Variants in CNTN4 observed in about 807,000 individuals in gnomAD.
CNTN4 encodes contactin 4, also known as contactin-4.
Under a neutral mutation model 122.5 loss-of-function variants are expected in CNTN4, and 77 were observed. That is an observed-to-expected ratio of 0.63 (90% CI 0.52 to 0.76). CNTN4 has a LOEUF of 0.76. Ranked by LOEUF, CNTN4 falls within the 30% of genes least tolerant of loss-of-function variation. CNTN4 has a pLI of 0.00. For synonymous variants in CNTN4, 512 were observed against 447.0 expected (o/e 1.15, Z -1.83); for missense variants, 1,256 against 1,259.1 (o/e 1.00, Z 0.04).
chr3:2,461,550 A>G (rs1485650174), intron 3 of CNTN4, among the ~76,000 whole-genome samples: 1 of 152,178 alleles, frequency 6.6e-6, no homozygotes, highest in Non-Finnish European at 1.5e-5. Context: ...CTAGAACCTG[A>G]GCTCTTAACC....
intron 3 of CNTN4, among the ~76,000 whole-genome samples, chr3:2,547,422 T>C (rs2078294874): frequency 1.3e-5 from 2 of 152,012 alleles, no homozygotes; most frequent in South Asian, 2.1e-4. Flanking sequence ...CTCACCACCA[T>C]GCCCAGCTAA....
At chr3:2,752,553 C>T (rs892277375) in intron 6 of CNTN4, among the ~76,000 whole-genome samples, 2 of 152,022 alleles carry the variant, frequency 1.3e-5, no homozygotes, top group Non-Finnish European at 2.9e-5. Context: ...TTTATAGAGA[C>T]AGGGTTTCAC....
At chr3:2,781,716 ATTTTTTTT>A (rs59896254) in intron 6 of CNTN4, among the ~76,000 whole-genome samples, 5 of 85,954 alleles carry the variant, frequency 5.8e-5, no homozygotes, top group South Asian at 4.8e-4. Context: ...CTTTGGGTAA[ATTTTTTTT>A]TTTTTTTTTT....
chr3:2,204,299 TACC>T (rs1379020092), intron 2 of CNTN4, among the ~76,000 whole-genome samples: 1 of 152,194 alleles, frequency 6.6e-6, no homozygotes, highest in African/African-American at 2.4e-5. Context: ...AAACATTCAA[TACC>T]TTCAACTCTT....
At position 2,825,058 on chromosome 3, in the gene CNTN4, G is replaced by A. The variant is rs146607767; in HGVS notation, c.454+5477G>A. ...AAAGGAAATGAAAAACTAAGAAAAG[G>A]GTGGCTTTTCCTAGGTACTCATACT... On this transcript the variant is annotated intron_variant, in intron 7 of 24. Transcript: ENST00000418658. 4.0e-3 allele frequency among the ~76,000 whole-genome samples: 614 copies of A among 152,104 alleles called. 8 individuals carry two copies. The highest frequency in any genetic ancestry group is 0.014 in the African/African-American group (580 of 41,486).
At position 2,571,494 on chromosome 3, in the gene CNTN4, G is replaced by A. The variant is rs780118857; in HGVS notation, c.-10G>A. Reference sequence around the variant, plus strand: ...GGACTTGAAACTCCCTTTGACCTCGGAAACTGAAGATGAGGTTGCCATGGG... The same window carrying A: ...GGACTTGAAACTCCCTTTGACCTCGAAAACTGAAGATGAGGTTGCCATGGG... On this transcript the variant is annotated 5_prime_UTR_variant, in exon 4 of 25. Coordinates refer to ENST00000418658, the MANE Select transcript of CNTN4 (RefSeq NM_175607.3). 6.2e-7 allele frequency: 1 copy of A among 1,611,346 alleles called. No individual in the cohort carries two copies. The highest frequency in any genetic ancestry group is 8.5e-7 in the Non-Finnish European group (1 of 1,177,470).
At chr3:2,932,039 A>G (rs1482421300) in intron 13 of CNTN4, among the ~76,000 whole-genome samples, 3 of 149,156 alleles carry the variant, frequency 2.0e-5, no homozygotes, top group South Asian at 4.4e-4. Context: ...ATGTGCGTGC[A>G]TGTGTGTGTG....
chr3:2,153,875 G>C (rs1047438152), intron 2 of CNTN4, among the ~76,000 whole-genome samples: 4 of 152,162 alleles, frequency 2.6e-5, no homozygotes, highest in African/African-American at 9.7e-5. Context: ...GTATTAGGTA[G>C]ACAGCAGTGT....
intron 6 of CNTN4, among the ~76,000 whole-genome samples, chr3:2,804,243 C>T (rs926989327): frequency 6.6e-6 from 1 of 152,054 alleles, no homozygotes; most frequent in African/African-American, 2.4e-5. Context: ...CAGGTGTGCA[C>T]TTTAGTATTC....
chr3:3,025,610 T>A (rs910947801), intron 14 of CNTN4, among the ~76,000 whole-genome samples: 1 of 152,214 alleles, frequency 6.6e-6, no homozygotes, highest in African/African-American at 2.4e-5. Context: ...TGTTTTTCTA[T>A]TCCTTCTTTT....
At chr3:2,666,507 A>G (rs2084172478) in intron 4 of CNTN4, among the ~76,000 whole-genome samples, 1 of 152,066 alleles carries the variant, frequency 6.6e-6, no homozygotes, top group Non-Finnish European at 1.5e-5. Flanking sequence ...GTAAGACATT[A>G]CTGATTTATT....
At chr3:2,710,909 T>C (rs558668713) in intron 4 of CNTN4, among the ~76,000 whole-genome samples, 48 of 152,266 alleles carry the variant, frequency 3.2e-4, no homozygotes, top group African/African-American at 9.9e-4. Flanking sequence ...ACGTACAGCA[T>C]GAAAATGTAC....
intron 4 of CNTN4, among the ~76,000 whole-genome samples, chr3:2,610,059 C>G (rs1045213828): frequency 6.6e-6 from 1 of 152,152 alleles, no homozygotes; most frequent in African/African-American, 2.4e-5. Context: ...AATTAACTGT[C>G]TGTTGACTGG....
intron 4 of CNTN4, among the ~76,000 whole-genome samples, chr3:2,619,691 G>A (rs2081920707): frequency 6.6e-6 from 1 of 152,170 alleles, no homozygotes; most frequent in African/African-American, 2.4e-5. Flanking sequence ...AATCCTTAAG[G>A]AGAGGTCTTT....
At chr3:2,877,324 C>A (rs1577125536) in intron 8 of CNTN4, among the ~76,000 whole-genome samples, 1 of 152,168 alleles carries the variant, frequency 6.6e-6, no homozygotes, top group East Asian at 1.9e-4. Context: ...TACAACTAAG[C>A]CCCTGTCTTC....
intron 4 of CNTN4, among the ~76,000 whole-genome samples, chr3:2,651,208 C>T (rs1265140044): frequency 1.3e-5 from 2 of 152,146 alleles, no homozygotes; most frequent in South Asian, 2.1e-4. Flanking sequence ...CTTTCACCAC[C>T]TCCTTTGATC....
intron 2 of CNTN4, among the ~76,000 whole-genome samples, chr3:2,187,919 T>A (rs2037351963): frequency 6.6e-6 from 1 of 152,110 alleles, no homozygotes; most frequent in African/African-American, 2.4e-5. Context: ...CACCATAGTT[T>A]TATGGATTCA....
At chr3:2,116,607 T>C (rs1271922828) in intron 2 of CNTN4, among the ~76,000 whole-genome samples, 1 of 152,156 alleles carries the variant, frequency 6.6e-6, no homozygotes, top group African/African-American at 2.4e-5. Context: ...TAGGTAGATA[T>C]AAATAGGATT....
chr3:2,160,165 T>C (rs2035896197), intron 2 of CNTN4, among the ~76,000 whole-genome samples: 1 of 152,236 alleles, frequency 6.6e-6, no homozygotes, highest in South Asian at 2.1e-4. Flanking sequence ...TATCATTGAA[T>C]GTCAGTCTCA....
Sources: allele counts gnomAD v4.1 joint callset (sites outside exome capture counted in the v4.1 genomes callset), GRCh38; gene constraint gnomAD v4.1.1; transcripts MANE v1.5; gene names NCBI Gene and HGNC (gene_info 2026-07-23, HGNC 2026-07-21).